DDR2: variants seen among roughly 807,000 people sequenced by gnomAD.
The protein encoded by DDR2 is discoidin domain-containing receptor 2.
DDR2 carries 27 observed loss-of-function variants against 94.9 expected under a neutral mutation model. The ratio of observed to expected loss-of-function variants is 0.28; its 90% CI spans 0.21 to 0.39. The LOEUF is 0.39. Among genes scored for constraint, DDR2 ranks in the 10% least tolerant of loss-of-function variants. The pLI, the probability that DDR2 is intolerant of heterozygous loss-of-function variation, is 1.00. For missense variants in DDR2, 783 were observed against 1,076.0 expected (o/e 0.73, Z 3.81); for synonymous variants, 382 against 377.2 (o/e 1.01, Z -0.15).
At chr1:162,650,672 C>T (rs972917324) in intron 1 of DDR2, among the ~76,000 whole-genome samples, 26 of 152,144 alleles carry the variant, frequency 1.7e-4, no homozygotes, top group Admixed American at 2.0e-4. Flanking sequence ...CTTTTCGACT[C>T]CCTCCTTCTT....
chr1:162,712,288 C>T (rs769234436), intron 2 of DDR2, among the ~76,000 whole-genome samples: 1 of 150,136 alleles, frequency 6.7e-6, no homozygotes. Context: ...CCTATAAGAA[C>T]CCTACATGGA....
chr1:162,761,475 T>C (rs902273085), intron 9 of DDR2, 21 bp downstream of exon 9: 12 of 1,613,988 alleles, frequency 7.4e-6, no homozygotes, highest in Admixed American at 5.0e-5. Flanking sequence ...CAGGTCCTCT[T>C]TGGGAAGTGG....
intron 3 of DDR2, among the ~76,000 whole-genome samples, chr1:162,727,969 A>C (rs959080545): frequency 7.2e-6 from 1 of 138,154 alleles, no homozygotes; most frequent in African/African-American, 2.7e-5. Context: ...ATCTATATAT[A>C]TATATATAGA....
intron 2 of DDR2, among the ~76,000 whole-genome samples, chr1:162,712,283 A>G (rs1660954091): frequency 2.7e-5 from 4 of 150,490 alleles, no homozygotes. Context: ...CCCTGCCTAT[A>G]AGAACCCTAC....
intron 2 of DDR2, among the ~76,000 whole-genome samples, chr1:162,718,026 G>GA (rs1661247354): frequency 6.6e-6 from 1 of 152,134 alleles, no homozygotes; most frequent in Non-Finnish European, 1.5e-5. Context: ...TTTTGCATTG[G>GA]AAATGTGCAT....
intron 8 of DDR2, 151 bp from the exon 9 acceptor site, chr1:162,761,060 C>A (rs1341712441): frequency 1.0e-5 from 12 of 1,143,032 alleles, no homozygotes; most frequent in African/African-American, 7.6e-5. Flanking sequence ...CTGAAATGTA[C>A]CTAGGAGGAA....
At chr1:162,759,411 A>G (rs1663609535) in intron 7 of DDR2, among the ~76,000 whole-genome samples, 2 of 152,098 alleles carry the variant, frequency 1.3e-5, no homozygotes, top group South Asian at 2.1e-4. Flanking sequence ...TTCCTCATTT[A>G]CTCTATGAAT....
intron 2 of DDR2, among the ~76,000 whole-genome samples, chr1:162,716,258 GGA>G (rs1453093296): frequency 6.6e-6 from 1 of 152,106 alleles, no homozygotes; most frequent in Non-Finnish European, 1.5e-5. Context: ...AGGTGCCACA[GGA>G]GAGAGAGAGA....
At chr1:162,737,340 G>T (rs1421039816) in intron 3 of DDR2, among the ~76,000 whole-genome samples, 1 of 118,280 alleles carries the variant, frequency 8.5e-6, no homozygotes, top group Non-Finnish European at 1.7e-5. Context: ...CCCAGAGTGT[G>T]ATATTCCCCT....
intron 3 of DDR2, among the ~76,000 whole-genome samples, chr1:162,731,740 C>T (rs1340609410): frequency 6.6e-6 from 1 of 152,200 alleles, no homozygotes; most frequent in South Asian, 2.1e-4. Context: ...ATAAAGTATG[C>T]TAACTTCTTT....
At chr1:162,775,520 C>T in intron 14 of DDR2, 132 bp from the exon 15 acceptor site, 2 of 905,134 alleles carry the variant, frequency 2.2e-6, no homozygotes, top group African/African-American at 1.6e-5. Context: ...ATTTCTCTGT[C>T]CTCTCAAAAG....
chr1:162,675,616 GATAAGTGAAT>G (rs1390649695), intron 2 of DDR2, among the ~76,000 whole-genome samples: 1 of 152,236 alleles, frequency 6.6e-6, no homozygotes, highest in Non-Finnish European at 1.5e-5. Flanking sequence ...TTAATAAATG[GATAAGTGAAT>G]ATAAGTGGCA....
intron 2 of DDR2, among the ~76,000 whole-genome samples, chr1:162,666,454 G>T (rs894784548): frequency 6.6e-6 from 1 of 152,176 alleles, no homozygotes; most frequent in East Asian, 1.9e-4. Flanking sequence ...TCCGGAAAGA[G>T]TATGCAGAGT....
At chr1:162,663,850 T>A (rs997689330) in intron 2 of DDR2, among the ~76,000 whole-genome samples, 3 of 152,136 alleles carry the variant, frequency 2.0e-5, no homozygotes, top group African/African-American at 7.2e-5. Flanking sequence ...ACACAGGCCG[T>A]GAAAATCAGG....
rs187456948 is a variant in DDR2 at position 162,752,860 on chromosome 1, C to T, written c.83-235C>T. Reference sequence around the variant, plus strand: ...TTACATTGATTGTCAGAGTTTGAACCAAAATATAGATTTGGCTGGGGGTCA... The same window carrying T: ...TTACATTGATTGTCAGAGTTTGAACTAAAATATAGATTTGGCTGGGGGTCA... On this transcript the variant is annotated intron_variant, in intron 3 of 17. Transcript: ENST00000367921. 2.4e-3 allele frequency among the ~76,000 whole-genome samples: 360 copies of T among 150,760 alleles called. 2 individuals are homozygous for T. The highest frequency in any genetic ancestry group is 0.012 in the Admixed American group (187 of 15,130).
intron 3 of DDR2, among the ~76,000 whole-genome samples, chr1:162,751,604 C>G (rs1418342547): frequency 1.3e-5 from 2 of 152,166 alleles, no homozygotes; most frequent in African/African-American, 4.8e-5. Flanking sequence ...CCTCAAAGAT[C>G]TAGAAGTAGA....
chr1:162,729,294 A>T (rs538345625), intron 3 of DDR2, among the ~76,000 whole-genome samples: 2,893 of 29,370 alleles, frequency 0.099, 69 homozygotes, highest in Admixed American at 0.2. Flanking sequence ...ATATATATAT[A>T]TATATATTTT....
chr1:162,663,917 G>A (rs1007694249), intron 2 of DDR2, among the ~76,000 whole-genome samples: 7 of 152,130 alleles, frequency 4.6e-5, no homozygotes, highest in Non-Finnish European at 1.0e-4. Context: ...CTGGGGAAGG[G>A]TGCAGAAGCC....
intron 2 of DDR2, among the ~76,000 whole-genome samples, chr1:162,693,497 G>C (rs534115426): frequency 3.9e-5 from 6 of 152,118 alleles, no homozygotes; most frequent in Non-Finnish European, 8.8e-5. Flanking sequence ...ACTATTTTAG[G>C]TACTGAGAGT....
Sources: allele counts gnomAD v4.1 joint callset (sites outside exome capture counted in the v4.1 genomes callset), GRCh38; gene constraint gnomAD v4.1.1; transcripts MANE v1.5; gene names NCBI Gene and HGNC (gene_info 2026-07-23, HGNC 2026-07-21).